Variants in SDK2 observed in about 807,000 individuals in gnomAD.
SDK2 encodes protein sidekick-2.
In SDK2, 105 loss-of-function variants were observed where a neutral mutation model predicts 253.9. The observed-to-expected ratio is 0.41, with a 90% CI of 0.35 to 0.49. SDK2 has a LOEUF of 0.49. SDK2 is among the 20% of genes least tolerant of loss of function. SDK2 has a pLI of 0.06. For synonymous variants in SDK2, 1,249 were observed against 1,234.9 expected (o/e 1.01, Z -0.24); for missense variants, 2,608 against 3,003.0 (o/e 0.87, Z 3.07).
At chr17:73,482,685 C>G (rs1041956581) in intron 2 of SDK2, among the ~76,000 whole-genome samples, 5 of 152,236 alleles carry the variant, frequency 3.3e-5, no homozygotes, top group African/African-American at 1.2e-4. Context: ...AACTGTGATC[C>G]ATCAGCCCAG....
intron 1 of SDK2, among the ~76,000 whole-genome samples, chr17:73,532,432 G>T (rs1018874748): frequency 4.6e-5 from 7 of 152,178 alleles, no homozygotes; most frequent in African/African-American, 1.4e-4. Context: ...CAAACAGGAG[G>T]CCTGGGCTGC....
At position 73,455,127 on chromosome 17, in the gene SDK2, C is replaced by G. The variant is rs904134099; in HGVS notation, c.479+779G>C. 2.6e-5 allele frequency among the ~76,000 whole-genome samples: 4 copies of G among 152,182 alleles called. No individual in the cohort carries two copies. The highest frequency in any genetic ancestry group is 5.9e-5 in the Non-Finnish European group (4 of 68,032). Reference sequence around the variant, plus strand: ...CACTCTCTACAGAGACCAGGACAGGCTCAGTCCTGTGTACACGCAGCCTGG... The same window carrying G: ...CACTCTCTACAGAGACCAGGACAGGGTCAGTCCTGTGTACACGCAGCCTGG... On this transcript the variant is annotated intron_variant, in intron 4 of 44. Transcript: ENST00000392650. The surrounding 1 kb of genome is among the most constrained non-coding windows in gnomAD (Gnocchi z 5.0).
chr17:73,610,069 C>T (rs529767837), intron 1 of SDK2, among the ~76,000 whole-genome samples: 4 of 152,290 alleles, frequency 2.6e-5, no homozygotes, highest in South Asian at 4.2e-4. Context: ...GAAGACACCC[C>T]GTCTTTCTCC....
At chr17:73,638,429 C>G (rs1021482594) in intron 1 of SDK2, among the ~76,000 whole-genome samples, 3 of 152,036 alleles carry the variant, frequency 2.0e-5, no homozygotes, top group African/African-American at 7.2e-5. Context: ...GAAGATGCCA[C>G]GTTATAGGGT....
intron 1 of SDK2, among the ~76,000 whole-genome samples, chr17:73,640,023 G>A (rs865987756): frequency 4.6e-5 from 7 of 152,166 alleles, no homozygotes; most frequent in Admixed American, 1.3e-4. Flanking sequence ...GCCCGACTGC[G>A]TCCTGTGGTA....
rs535369985 is a variant in SDK2 at position 73,546,323 on chromosome 17, G to T, written c.65-38726C>A. Among the ~76,000 whole-genome samples the T allele has an allele frequency of 2.0e-3, 298 of 152,372 alleles. 4 individuals carry two copies. The highest frequency in any genetic ancestry group is 6.8e-3 in the African/African-American group (284 of 41,592). Reference sequence around the variant, plus strand: ...GAACATGGCTCCCGGGACTTGACGGGCCTGGCGGCCAGTGGTGGTTTAATA... The same window carrying T: ...GAACATGGCTCCCGGGACTTGACGGTCCTGGCGGCCAGTGGTGGTTTAATA... On this transcript the variant is annotated intron_variant, in intron 1 of 44. Coordinates refer to ENST00000392650, the MANE Select transcript of SDK2 (RefSeq NM_001144952.2).
chr17:73,585,845 C>A (rs2045596172), intron 1 of SDK2, among the ~76,000 whole-genome samples: 1 of 152,148 alleles, frequency 6.6e-6, no homozygotes, highest in Non-Finnish European at 1.5e-5. Context: ...GTAACTAGAC[C>A]CCTCTGAGCT....
At chr17:73,422,192 G>A (rs2145585840) in intron 15 of SDK2, 95 bp downstream of exon 15, 2 of 1,403,602 alleles carry the variant, frequency 1.4e-6, no homozygotes, top group Admixed American at 4.0e-5. Flanking sequence ...AGGGGGCCAG[G>A]AGGAGCTGAG....
intron 1 of SDK2, among the ~76,000 whole-genome samples, chr17:73,631,492 G>T (rs1314319838): frequency 6.6e-6 from 1 of 152,208 alleles, no homozygotes; most frequent in African/African-American, 2.4e-5. Context: ...CCTCAAGCCA[G>T]GGCAGCCAGA....
At chr17:73,573,755 C>T (rs550555878) in intron 1 of SDK2, among the ~76,000 whole-genome samples, 1 of 152,342 alleles carries the variant, frequency 6.6e-6, no homozygotes, top group Non-Finnish European at 1.5e-5. Context: ...CATGCCACTA[C>T]CTGGCTCAAA....
intron 21 of SDK2, among the ~76,000 whole-genome samples, chr17:73,399,928 A>G (rs1349496516): frequency 6.6e-6 from 1 of 152,162 alleles, no homozygotes; most frequent in Non-Finnish European, 1.5e-5. Flanking sequence ...GGTAATGAAG[A>G]GGATAATAGC....
At chr17:73,393,812 C>T (rs1426763765) in intron 26 of SDK2, 63 bp from the exon 27 acceptor site, 23 of 1,325,034 alleles carry the variant, frequency 1.7e-5, no homozygotes, top group Admixed American at 4.8e-5. Context: ...ACACTTTTCC[C>T]GAGTCTCATC....
chr17:73,548,827 C>T (rs968514088), intron 1 of SDK2, among the ~76,000 whole-genome samples: 2 of 152,234 alleles, frequency 1.3e-5, no homozygotes, highest in Non-Finnish European at 2.9e-5. Flanking sequence ...AAGCTTGCTG[C>T]TATCCCACGG....
intron 44 of SDK2, among the ~76,000 whole-genome samples, chr17:73,342,587 A>G (rs1353283354): frequency 2.6e-5 from 4 of 152,178 alleles, no homozygotes; most frequent in African/African-American, 9.7e-5. Flanking sequence ...TCCACCCACT[A>G]ACTGACTTGA....
chr17:73,491,089 T>C (rs2063803172), intron 2 of SDK2, among the ~76,000 whole-genome samples: 1 of 152,208 alleles, frequency 6.6e-6, no homozygotes, highest in Non-Finnish European at 1.5e-5. Context: ...AGTTAATACA[T>C]GTAGTGTGCT....
chr17:73,394,170 C>A, intron 26 of SDK2, 39 bp downstream of exon 26: 1 of 1,305,496 alleles, frequency 7.7e-7, no homozygotes, highest in South Asian at 1.6e-5. Context: ...CTGGAGGGGC[C>A]AGTGTAGGGA....
At position 73,350,225 on chromosome 17, in the gene SDK2, A is replaced by T. The variant is rs779624996; in HGVS notation, c.6038+12T>A. ...TGGGCCTGGCCCCCAACCCACGCAGAGGGCCCAGTACCTGGTGTACAGGCC... is the reference window on the plus strand; with the variant it reads ...TGGGCCTGGCCCCCAACCCACGCAGTGGGCCCAGTACCTGGTGTACAGGCC... On this transcript the variant is annotated intron_variant, in intron 43 of 44. Transcript: ENST00000392650. The T allele has an allele frequency of 1.2e-5, 6 of 489,092 alleles. No homozygotes were observed. The highest frequency in any genetic ancestry group is 3.4e-5 in the South Asian group (1 of 29,806). 30.3% of individuals were successfully genotyped at this position (489,092 alleles called of 1,614,324 possible).
chr17:73,589,141 A>G (rs2045646939), intron 1 of SDK2, among the ~76,000 whole-genome samples: 1 of 152,258 alleles, frequency 6.6e-6, no homozygotes, highest in Non-Finnish European at 1.5e-5. Flanking sequence ...CAGTCTAGTC[A>G]GTGGCTACTG....
rs778973310 is a variant in SDK2 at position 73,609,254 on chromosome 17, C to T, written c.64+34771G>A. Among the ~76,000 whole-genome samples the T allele has an allele frequency of 1.1e-4, 17 of 151,990 alleles. No homozygotes were observed. Among genetic ancestry groups the T allele is most frequent in the Non-Finnish European group, 1.8e-4 (12 of 68,012 alleles). On this transcript the variant is annotated intron_variant, in intron 1 of 44. Coordinates refer to ENST00000392650, the MANE Select transcript of SDK2 (RefSeq NM_001144952.2). The surrounding 1 kb of genome is among the most constrained non-coding windows in gnomAD (Gnocchi z 4.4). ...GGCTGGAGGGAATACACATGGGTAT[C>T]GCAGGCAGAGGTTGGATGAGATCAC...
Sources: gnomAD v4.1 joint callset for allele counts (sites outside exome capture counted in the v4.1 genomes callset) on GRCh38, gnomAD v4.1.1 for gene constraint, Gnocchi (gnomAD v3.1) non-coding constraint, MANE v1.5 for transcripts, NCBI Gene and HGNC (gene_info 2026-07-23, HGNC 2026-07-21) for gene names.